Variants in ZBTB49 observed in about 807,000 individuals in gnomAD.
ZBTB49 encodes the protein zinc finger and BTB domain containing 49, also known as zinc finger and BTB domain-containing protein 49.
ZBTB49 carries 43 observed loss-of-function variants against 57.5 expected under a neutral mutation model. That is an observed-to-expected ratio of 0.75 (90% CI 0.59 to 0.97). ZBTB49 has a LOEUF of 0.97. Ranked by LOEUF, ZBTB49 falls within the 50% of genes least tolerant of loss-of-function variation. ZBTB49 has a pLI of 0.00. For synonymous variants in ZBTB49, 369 were observed against 362.1 expected (o/e 1.02, Z -0.22); for missense variants, 938 against 947.7 (o/e 0.99, Z 0.13).
intron 1 of ZBTB49, among the ~76,000 whole-genome samples, chr4:4,294,242 T>C (rs1720081857): frequency 6.6e-6 from 1 of 152,188 alleles, no homozygotes. Context: ...CATTGGGGTT[T>C]CCAGACCTTT....
rs752724163 is a variant in ZBTB49 at position 4,302,837 on chromosome 4, CAA to C, written c.1003_1004del (p.Lys335GlufsTer6). On this transcript the variant is annotated frameshift_variant, in exon 3 of 8. Coordinates refer to ENST00000337872, the MANE Select transcript of ZBTB49 (RefSeq NM_145291.4). LOFTEE classifies it high-confidence loss of function. ...GAACCCAAGTCAGATGATGGTTTGA[CAA>C]AGAGGTTGGAATCTGCTAGTAAAAA... The C allele has an allele frequency of 6.2e-7, 1 of 1,613,828 alleles. No homozygotes were observed.
At chr4:4,311,486 C>G (rs974461619) in intron 4 of ZBTB49, among the ~76,000 whole-genome samples, 6 of 152,232 alleles carry the variant, frequency 3.9e-5, no homozygotes, top group Non-Finnish European at 7.3e-5. Flanking sequence ...TCAAAACACA[C>G]TATTTCATTC....
intron 1 of ZBTB49, among the ~76,000 whole-genome samples, chr4:4,296,572 A>G (rs1421354768): frequency 1.3e-5 from 2 of 152,214 alleles, no homozygotes; most frequent in Non-Finnish European, 2.9e-5. Context: ...CTCTCCAGGC[A>G]TGTGGAACTG....
chr4:4,312,001 C>T (rs1450317356), intron 4 of ZBTB49, among the ~76,000 whole-genome samples: 2 of 152,104 alleles, frequency 1.3e-5, no homozygotes, highest in Non-Finnish European at 2.9e-5. Context: ...AAATCTTAAC[C>T]ATGAATCTTA....
At chr4:4,311,388 C>G (rs866014405) in intron 4 of ZBTB49, among the ~76,000 whole-genome samples, 16 of 152,190 alleles carry the variant, frequency 1.1e-4, no homozygotes, top group African/African-American at 3.9e-4. Context: ...CTGAAATTTG[C>G]AAGTGACTAA....
intron 3 of ZBTB49, 70 bp downstream of exon 3, chr4:4,303,161 C>G (rs1720580475): frequency 7.0e-7 from 1 of 1,436,282 alleles, no homozygotes; most frequent in Non-Finnish European, 9.2e-7. Context: ...ACTGGCTCTT[C>G]TTGTTTTTGT....
chr4:4,305,867 T>C (rs1045041721), intron 3 of ZBTB49, among the ~76,000 whole-genome samples: 2 of 152,236 alleles, frequency 1.3e-5, no homozygotes, highest in Non-Finnish European at 2.9e-5. Flanking sequence ...AGAACGTGGG[T>C]CTGCTCTGGA....
rs1380941337 is a variant in ZBTB49, at chr4:4,319,757, G to T, written c.1622-883G>T. On this transcript the variant is annotated intron_variant, in intron 7 of 7. Transcript: ENST00000337872. The stretch of plus-strand genomic sequence containing the variant: ...AATCGCTTGAACCCAGGAGGTGGAG[G>T]TTGCTGTGATCCGAGATTGCACCTC... 2.0e-5 allele frequency among the ~76,000 whole-genome samples: 3 copies of T among 152,200 alleles called. 1 individual carries two copies. Among genetic ancestry groups the T allele is most frequent in the Middle Eastern group, 6.8e-3 (2 of 294 alleles).
intron 4 of ZBTB49, among the ~76,000 whole-genome samples, chr4:4,311,583 G>C (rs1188436806): frequency 6.6e-6 from 1 of 152,162 alleles, no homozygotes; most frequent in Non-Finnish European, 1.5e-5. Context: ...GCCCCACCAT[G>C]TAACTGAGAC....
At chr4:4,299,905 T>G in intron 1 of ZBTB49, 22 bp from the exon 2 acceptor site, 1 of 1,609,420 alleles carries the variant, frequency 6.2e-7, no homozygotes, top group Non-Finnish European at 8.5e-7. Context: ...ATATCTGTCG[T>G]ATCTGTGATT....
chr4:4,299,641 C>T (rs576720613), intron 1 of ZBTB49, among the ~76,000 whole-genome samples: 4 of 151,886 alleles, frequency 2.6e-5, no homozygotes, highest in Non-Finnish European at 5.9e-5. Context: ...AATTTCAATC[C>T]CTCAGCCACA....
chr4:4,313,125 G>C lies in ZBTB49; in HGVS notation c.1376+11G>C. ...GATCTGTGGAAAGAGGTCAGTGCTG[G>C]GCGTGTTCTTCCGTGTGGAAGGGAG... On this transcript the variant is annotated intron_variant, in intron 5 of 7. Coordinates refer to ENST00000337872, the MANE Select transcript of ZBTB49 (RefSeq NM_145291.4). The C allele has an allele frequency of 6.2e-7, 1 of 1,613,992 alleles. No homozygotes were observed. Among genetic ancestry groups the C allele is most frequent in the Non-Finnish European group, 8.5e-7 (1 of 1,179,988 alleles).
At chr4:4,293,569 T>C (rs1410334919) in intron 1 of ZBTB49, among the ~76,000 whole-genome samples, 3 of 152,262 alleles carry the variant, frequency 2.0e-5, no homozygotes, top group Non-Finnish European at 4.4e-5. Flanking sequence ...TGTAACACTC[T>C]ACCCCCAAAT....
intron 5 of ZBTB49, 31 bp downstream of exon 5, chr4:4,313,145 A>G (rs766118818): frequency 2.5e-6 from 4 of 1,613,056 alleles, no homozygotes; most frequent in Non-Finnish European, 3.4e-6. Context: ...TCCGTGTGGA[A>G]GGGAGCATGT....
intron 1 of ZBTB49, among the ~76,000 whole-genome samples, chr4:4,296,872 G>A (rs2920174): frequency 0.72 from 109,257 of 151,922 alleles, 41,454 homozygotes; most frequent in Non-Finnish European, 0.83. Context: ...TGAAAGCTTC[G>A]CTGATGGAAC....
At chr4:4,295,467 A>G (rs1259065861) in intron 1 of ZBTB49, among the ~76,000 whole-genome samples, 1 of 152,234 alleles carries the variant, frequency 6.6e-6, no homozygotes, top group Non-Finnish European at 1.5e-5. Context: ...GAGAACACAG[A>G]GCCAAGCCAT....
chr4:4,295,740 T>C (rs1720167118), intron 1 of ZBTB49, among the ~76,000 whole-genome samples: 1 of 152,214 alleles, frequency 6.6e-6, no homozygotes, highest in Admixed American at 6.5e-5. Context: ...AGTCTCACTT[T>C]GATCTCAAAC....
chr4:4,307,035 C>G (rs181949383), intron 4 of ZBTB49, among the ~76,000 whole-genome samples: 56 of 152,374 alleles, frequency 3.7e-4, no homozygotes, highest in Non-Finnish European at 4.4e-4. Flanking sequence ...GCAGACTCTT[C>G]CAGTTTCTCT....
chr4:4,313,069 G>A lies in ZBTB49; in HGVS notation c.1331G>A (p.Arg444Gln), dbSNP rs147341179. 13 of 1,613,920 alleles carry A rather than the reference G, an allele frequency of 8.1e-6. No homozygotes were observed. Among genetic ancestry groups the A allele is most frequent in the East Asian group, 4.5e-5 (2 of 44,902 alleles). The change falls in exon 5 of 8, where the codon CGG (arginine) becomes CAG (glutamine). Residue 444 changes from arginine (R) to glutamine (Q), a missense_variant. Arg to Gln is a conservative substitution (Grantham distance 43). Around this residue, in one of 3 missense-constraint regions of ZBTB49, gnomAD observed 835 missense variants for 819.1 expected, o/e 1.02. Coordinates refer to ENST00000337872, the MANE Select transcript of ZBTB49 (RefSeq NM_145291.4). ...QAGNLQTHLR[R>Q]HSGEKPYICE... ...GGTAACTTGCAGACTCACTTACGAC[G>A]GCATTCTGGTGAAAAACCATACATC...
Sources: allele counts gnomAD v4.1 joint callset (sites outside exome capture counted in the v4.1 genomes callset), GRCh38; gene constraint gnomAD v4.1.1; regional missense constraint gnomAD v4.1.1; transcripts MANE v1.5; gene names NCBI Gene and HGNC (gene_info 2026-07-23, HGNC 2026-07-21).